RABGEF1: variants seen among roughly 807,000 people sequenced by gnomAD.
The protein encoded by RABGEF1 is RAB guanine nucleotide exchange factor 1, also known as rab5 GDP/GTP exchange factor.
In RABGEF1, 26 loss-of-function variants were observed where a neutral mutation model predicts 57.3. The ratio of observed to expected loss-of-function variants is 0.45; its 90% confidence interval spans 0.33 to 0.63. RABGEF1 has a LOEUF of 0.63. Ranked by LOEUF, RABGEF1 falls within the 20% of genes least tolerant of loss-of-function variation. The probability of loss-of-function intolerance (pLI) is 0.02; values close to 1 mark genes in which losing one functional copy is unlikely to be tolerated. For missense variants in RABGEF1, 464 were observed against 607.6 expected, an observed-to-expected ratio of 0.76 and a Z score of 2.48; for synonymous variants, 185 against 210.7, an observed-to-expected ratio of 0.88 and a Z score of 1.06.
the RABGEF1 span, among the ~76,000 whole-genome samples, chr7:66,655,699 ATTG>A: frequency 1.3e-5 from 2 of 152,172 alleles, no homozygotes; most frequent in Non-Finnish European, 2.9e-5. Context: ...GTTCCTTAAA[ATTG>A]TTGTACCAAG....
chr7:66,801,998 C>T (rs1289064990), intron 7 of RABGEF1, among the ~76,000 whole-genome samples: 5 of 152,194 alleles, frequency 3.3e-5, no homozygotes, highest in Non-Finnish European at 1.5e-5. Flanking sequence ...CAGCCTTGAC[C>T]TCACAGGCTC....
At chr7:66,769,982 T>G (rs1460501881) in intron 1 of RABGEF1, among the ~76,000 whole-genome samples, 1 of 152,230 alleles carries the variant, frequency 6.6e-6, no homozygotes, top group Non-Finnish European at 1.5e-5. Context: ...CAAGGCTCTT[T>G]AAGGTCTATC....
chr7:66,736,217 A>G (rs1307626857), upstream of RABGEF1, among the ~76,000 whole-genome samples: 1 of 152,248 alleles, frequency 6.6e-6, no homozygotes, highest in Non-Finnish European at 1.5e-5. Flanking sequence ...TCACCCATGC[A>G]CACACTTTCT....
the RABGEF1 span, among the ~76,000 whole-genome samples, chr7:66,674,061 A>T: frequency 2.0e-5 from 3 of 152,180 alleles, no homozygotes; most frequent in Non-Finnish European, 4.4e-5. Context: ...GAACACCTAG[A>T]ACTCTTCTGC....
rs1796943531 is a variant in RABGEF1 at position 66,728,861 on chromosome 7, C to CCTCCACCTTCAA, written c.-814-11128_-814-11117dup. On this transcript the variant is annotated intron_variant and NMD_transcript_variant, in intron 2 of 9. Transcript: ENST00000607882. ...ACCTACACCTACACGTCTATCCTCACCTCCACCTTCAACTCCACTCTCATC... is the reference window on the plus strand; with the variant it reads ...ACCTACACCTACACGTCTATCCTCACCTCCACCTTCAACTCCACCTTCAACTCCACTCTCATC... 1.2e-3 allele frequency among the ~76,000 whole-genome samples: 3 copies of CCTCCACCTTCAA among 2,568 alleles called. No homozygotes were observed. The Admixed American group carries it at 0.014, about 12-fold the overall frequency. The allele number at this position is 2,568 out of a possible 152,430, so 1.7% of individuals were successfully genotyped here. A position where few individuals can be genotyped will look rare whatever the true frequency, so the allele number is the denominator to read the frequency against.
intron 1 of RABGEF1, chr7:66,755,983 A>G (rs1021772019): frequency 2.9e-5 from 34 of 1,166,524 alleles, no homozygotes; most frequent in Middle Eastern, 2.8e-4. Context: ...TGGAAGCATT[A>G]TATTTAATCA....
chr7:66,695,112 G>A (rs1792123639), intron 1 of RABGEF1, among the ~76,000 whole-genome samples: 2 of 152,122 alleles, frequency 1.3e-5, no homozygotes, highest in Non-Finnish European at 2.9e-5. Context: ...AGAAGGTCAA[G>A]ACCAGCCTGG....
At chr7:66,762,941 A>G (rs1804799032) in intron 1 of RABGEF1, among the ~76,000 whole-genome samples, 2 of 152,238 alleles carry the variant, frequency 1.3e-5, no homozygotes, top group South Asian at 4.1e-4. Flanking sequence ...AGCATGTGCA[A>G]AGGCTCTCCC....
chr7:66,656,560 G>A, the RABGEF1 span, among the ~76,000 whole-genome samples: 2 of 152,150 alleles, frequency 1.3e-5, no homozygotes, highest in Admixed American at 1.3e-4. Context: ...GGTGGCTCAT[G>A]CCTGTAATCC....
intron 4 of RABGEF1, among the ~76,000 whole-genome samples, chr7:66,784,622 G>C (rs1338631969): frequency 6.6e-6 from 1 of 152,190 alleles, no homozygotes; most frequent in Non-Finnish European, 1.5e-5. Flanking sequence ...AAAGCAGCAG[G>C]GTGTTTAACT....
At chr7:66,779,681 A>C (rs969653474) in intron 3 of RABGEF1, among the ~76,000 whole-genome samples, 2 of 151,738 alleles carry the variant, frequency 1.3e-5, no homozygotes, top group Non-Finnish European at 2.9e-5. Flanking sequence ...AAAAAAAAAA[A>C]AAAAAACACC....
At chr7:66,680,383 T>TACAG (rs1489591731), upstream of RABGEF1, among the ~76,000 whole-genome samples, 1 of 152,116 alleles carries the variant, frequency 6.6e-6, no homozygotes, top group African/African-American at 2.4e-5. Context: ...TAGCTGGGAT[T>TACAG]ACAGGCATGT....
At chr7:66,784,788 T>C (rs1286046693) in intron 4 of RABGEF1, among the ~76,000 whole-genome samples, 2 of 152,180 alleles carry the variant, frequency 1.3e-5, no homozygotes, top group African/African-American at 4.8e-5. Flanking sequence ...AGTAAGTAGC[T>C]GTCTTTCTCT....
At chr7:66,736,254 A>G (rs1797929248), upstream of RABGEF1, among the ~76,000 whole-genome samples, 1 of 152,220 alleles carries the variant, frequency 6.6e-6, no homozygotes, top group South Asian at 2.1e-4. Flanking sequence ...CCAGAAAATT[A>G]CTATGGAGCA....
chr7:66,709,549 G>A (rs6973897), intron 1 of RABGEF1, among the ~76,000 whole-genome samples: 15,868 of 152,128 alleles, frequency 0.1, 910 homozygotes, highest in Non-Finnish European at 0.11. Context: ...AGCACTTTGT[G>A]AGTCCGAGGT....
In RABGEF1 at chr7:66,775,213, C is replaced by T. The variant is rs1406365572; in HGVS notation, c.180-14C>T. The T allele has an allele frequency of 1.2e-6, 2 of 1,605,998 alleles. No individual in the cohort carries two copies. The highest frequency in any genetic ancestry group is 1.1e-5 in the South Asian group (1 of 90,198). ...AGAATATCTAGGTCATTCTAATCCT[C>T]TCTTGAATTGCAGACTCCAGCGGGA... On this transcript the variant is annotated splice_polypyrimidine_tract_variant and intron_variant, in intron 2 of 8. Coordinates refer to ENST00000284957, the MANE Select transcript of RABGEF1 (RefSeq NM_014504.3).
At chr7:66,698,339 A>C (rs1792678355) in intron 1 of RABGEF1, among the ~76,000 whole-genome samples, 1 of 152,164 alleles carries the variant, frequency 6.6e-6, no homozygotes, top group African/African-American at 2.4e-5. Context: ...CCCCAGGGCA[A>C]GGCCTGTCTC....
At chr7:66,683,884 A>G (rs1790178278) in intron 1 of RABGEF1, among the ~76,000 whole-genome samples, 1 of 151,954 alleles carries the variant, frequency 6.6e-6, no homozygotes, top group South Asian at 2.1e-4. Context: ...GAGACTGCAA[A>G]TGGGTGCCGC....
intron 2 of RABGEF1, among the ~76,000 whole-genome samples, chr7:66,713,234 CG>C (rs1794986078): frequency 1.3e-5 from 2 of 151,792 alleles, no homozygotes; most frequent in African/African-American, 4.8e-5. Flanking sequence ...CTCTGCTTCC[CG>C]GGTTCATGCC....
Sources: gnomAD v4.1 joint callset for allele counts (sites outside exome capture counted in the v4.1 genomes callset) on GRCh38, gnomAD v4.1.1 for gene constraint, MANE v1.5 for transcripts, NCBI Gene and HGNC (gene_info 2026-07-23, HGNC 2026-07-21) for gene names.